Variants in PRKCQ observed in about 807,000 individuals in gnomAD.
PRKCQ encodes protein kinase C theta, also known as protein kinase C theta type.
Under a neutral mutation model 91.2 loss-of-function variants are expected in PRKCQ, and 41 were observed. The observed-to-expected ratio is 0.45, with a 90% CI of 0.35 to 0.58. PRKCQ has a LOEUF of 0.58. Ranked by LOEUF, PRKCQ falls within the 20% of genes least tolerant of loss-of-function variation. The probability of loss-of-function intolerance (pLI) is 0.00; values close to 1 mark genes in which losing one functional copy is unlikely to be tolerated. For missense variants in PRKCQ, 673 were observed against 896.5 expected (o/e 0.75, Z 3.18); for synonymous variants, 307 against 316.9 (o/e 0.97, Z 0.33).
the PRKCQ span, among the ~76,000 whole-genome samples, chr10:6,409,164 C>T: frequency 6.6e-6 from 1 of 152,136 alleles, no homozygotes; most frequent in African/African-American, 2.4e-5. Context: ...TAGTAACTGG[C>T]CCAAGGAGGA....
In PRKCQ at chr10:6,497,554, T is replaced by C. The variant is rs955712051; in HGVS notation, c.543-303A>G. 6.6e-6 allele frequency among the ~76,000 whole-genome samples: 1 copy of C among 152,200 alleles called. No individual in the cohort carries two copies. On this transcript the variant is annotated intron_variant, in intron 5 of 17. Coordinates refer to ENST00000263125, the MANE Select transcript of PRKCQ (RefSeq NM_006257.5). The surrounding 1 kb of genome is among the most constrained non-coding windows in gnomAD (Gnocchi z 4.5). ...GCATCACAGACTCTTCGTAGCACGT[T>C]TCCCTGTGCTAGATTTAAAAATTCA...
intron 1 of PRKCQ, among the ~76,000 whole-genome samples, chr10:6,579,549 A>AC (rs1334119661): frequency 1.3e-5 from 2 of 151,804 alleles, no homozygotes; most frequent in Non-Finnish European, 2.9e-5. Flanking sequence ...ATCCAATACC[A>AC]CAAAGATACT....
chr10:6,492,002 T>TACGTG (rs1269702093), intron 7 of PRKCQ, among the ~76,000 whole-genome samples, 190 bp from the exon 8 acceptor site: 6 of 152,348 alleles, frequency 3.9e-5, no homozygotes, highest in African/African-American at 1.4e-4. Context: ...TCAGCAACTG[T>TACGTG]ACGTGACGGG....
At chr10:6,479,909 GC>G (rs1166160755) in intron 11 of PRKCQ, among the ~76,000 whole-genome samples, 1 of 151,842 alleles carries the variant, frequency 6.6e-6, no homozygotes, top group African/African-American at 2.4e-5. Context: ...CTGAGATCAT[GC>G]CACTGCACTC....
At chr10:6,488,180 A>C (rs560231873) in intron 8 of PRKCQ, among the ~76,000 whole-genome samples, 17 of 152,286 alleles carry the variant, frequency 1.1e-4, no homozygotes, top group African/African-American at 4.1e-4. Flanking sequence ...ATGTGTGTGC[A>C]AAGAAGCTTA....
chr10:6,465,129 G>A lies in PRKCQ; in HGVS notation c.1354-725C>T, dbSNP rs1007216619. On this transcript the variant is annotated intron_variant, in intron 12 of 17. Transcript: ENST00000263125. The surrounding 1 kb of genome is among the most constrained non-coding windows in gnomAD (Gnocchi z 4.4). ...TGTTTTGGTCTCTGACTCCAAGGGCGGAGCTTGAAAACATTCATTCACTCA... is the reference window on the plus strand; with the variant it reads ...TGTTTTGGTCTCTGACTCCAAGGGCAGAGCTTGAAAACATTCATTCACTCA... 7.9e-5 allele frequency among the ~76,000 whole-genome samples: 12 copies of A among 152,164 alleles called. No individual in the cohort carries two copies. Among genetic ancestry groups the A allele is most frequent in the South Asian group, 2.1e-4 (1 of 4,834 alleles).
intron 16 of PRKCQ, among the ~76,000 whole-genome samples, chr10:6,439,055 T>G (rs1833837745): frequency 6.6e-6 from 1 of 152,230 alleles, no homozygotes; most frequent in African/African-American, 2.4e-5. Flanking sequence ...GCCCATACAC[T>G]GTGGAGAATA....
At chr10:6,548,677 G>C (rs1279237088) in intron 1 of PRKCQ, among the ~76,000 whole-genome samples, 2 of 136,432 alleles carry the variant, frequency 1.5e-5, no homozygotes, top group African/African-American at 5.5e-5. Context: ...GGTGGGAATT[G>C]AACAATGAGA....
chr10:6,490,560 TA>T (rs71515438), intron 8 of PRKCQ, among the ~76,000 whole-genome samples: 78 of 129,236 alleles, frequency 6.0e-4, no homozygotes, highest in Middle Eastern at 4.0e-3. Context: ...ACCATACCTC[TA>T]AAAAAAAAAA....
In PRKCQ at chr10:6,442,056, T is replaced by C; in HGVS notation, c.1673A>G (p.His558Arg). Residue 558 changes from histidine to arginine, a missense_variant, in exon 16 of 18, where the codon CAC becomes CGC. Transcript: ENST00000263125. Reference sequence around the variant, plus strand: ...CCCGAAGGACCACCAGTCCACAGAGTGGTTGTATTTCTGACCCAGCAAGAT... The same window carrying C: ...CCCGAAGGACCACCAGTCCACAGAGCGGTTGTATTTCTGACCCAGCAAGAT... ...PEILLGQKYNHSVDWWSFGVL... is the reference protein window; with the variant it reads ...PEILLGQKYNRSVDWWSFGVL... 6.2e-7 allele frequency: 1 copy of C among 1,612,970 alleles called. No individual in the cohort carries two copies. Among genetic ancestry groups the C allele is most frequent in the Non-Finnish European group, 8.5e-7 (1 of 1,179,292 alleles).
chr10:6,403,400 C>A, the PRKCQ span, among the ~76,000 whole-genome samples: 9 of 152,166 alleles, frequency 5.9e-5, no homozygotes, highest in Non-Finnish European at 1.0e-4. Flanking sequence ...ATGATCCAGG[C>A]AGCTTGGTTT....
At chr10:6,508,955 T>C (rs1209935170) in intron 3 of PRKCQ, among the ~76,000 whole-genome samples, 1 of 152,202 alleles carries the variant, frequency 6.6e-6, no homozygotes, top group Non-Finnish European at 1.5e-5. Flanking sequence ...GAGAGAATCA[T>C]TTTCTTTAGA....
At chr10:6,420,906 T>C in the PRKCQ span, among the ~76,000 whole-genome samples, 7 of 152,154 alleles carry the variant, frequency 4.6e-5, no homozygotes, top group African/African-American at 7.2e-5. Context: ...GACACCAAAA[T>C]AGTCTGTTCA....
At chr10:6,448,800 G>A (rs1378907764) in intron 15 of PRKCQ, among the ~76,000 whole-genome samples, 3 of 152,198 alleles carry the variant, frequency 2.0e-5, no homozygotes, top group South Asian at 2.1e-4. Flanking sequence ...TGCAGACACC[G>A]CTGCTGATAC....
At chr10:6,468,872 T>C (rs1410081637) in intron 12 of PRKCQ, among the ~76,000 whole-genome samples, 1 of 152,184 alleles carries the variant, frequency 6.6e-6, no homozygotes, top group Non-Finnish European at 1.5e-5. Context: ...TCAACTCTTC[T>C]TTGGGACATC....
intron 1 of PRKCQ, among the ~76,000 whole-genome samples, chr10:6,573,942 C>T (rs1841132542): frequency 1.3e-5 from 2 of 152,310 alleles, no homozygotes; most frequent in South Asian, 4.1e-4. Flanking sequence ...CATGACAAAA[C>T]ACCATCTCTA....
chr10:6,509,393 C>CTCTT (rs1410433881), intron 3 of PRKCQ, among the ~76,000 whole-genome samples: 1 of 151,962 alleles, frequency 6.6e-6, no homozygotes, highest in East Asian at 2.0e-4. Context: ...GAATTGACGA[C>CTCTT]TCTTTAAAAA....
intron 1 of PRKCQ, among the ~76,000 whole-genome samples, chr10:6,520,589 C>T (rs1838961922): frequency 6.6e-6 from 1 of 152,174 alleles, no homozygotes; most frequent in Non-Finnish European, 1.5e-5. Flanking sequence ...CCTCCCTGCC[C>T]CCTTCCTCAT....
intron 3 of PRKCQ, among the ~76,000 whole-genome samples, chr10:6,510,754 G>A (rs1291291089): frequency 6.6e-6 from 1 of 152,128 alleles, no homozygotes; most frequent in Non-Finnish European, 1.5e-5. Context: ...ATTTATCATA[G>A]TCTAAGAGAC....
Sources: gnomAD v4.1 joint callset for allele counts (sites outside exome capture counted in the v4.1 genomes callset) on GRCh38, gnomAD v4.1.1 for gene constraint, Gnocchi (gnomAD v3.1) non-coding constraint, MANE v1.5 for transcripts, NCBI Gene and HGNC (gene_info 2026-07-23, HGNC 2026-07-21) for gene names.